The following DERA variants were observed in gnomAD, a reference collection of about 807,000 sequenced individuals.
The protein encoded by DERA is 2-deoxy-D-ribose 5-phosphate aldolase.
In DERA, 15 loss-of-function variants were observed where a neutral mutation model predicts 41.1. That is an observed-to-expected ratio of 0.37 (90% confidence interval 0.24 to 0.56). DERA has a LOEUF of 0.56. Ranked by LOEUF, DERA falls within the 20% of genes least tolerant of loss-of-function variation. The pLI, the probability that DERA is intolerant of heterozygous loss-of-function variation, is 0.81. For synonymous variants in DERA, 139 were observed against 137.4 expected (o/e 1.01, Z -0.08); for missense variants, 396 against 403.4 (o/e 0.98, Z 0.16).
intron 1 of DERA, among the ~76,000 whole-genome samples, chr12:15,955,160 C>T (rs930581096): frequency 1.3e-5 from 2 of 151,964 alleles, no homozygotes; most frequent in African/African-American, 4.8e-5. Context: ...ATTAGCCTGG[C>T]GTGGTGGCGC....
chr12:15,988,508 G>C lies in DERA; in HGVS notation c.637+6072G>C, dbSNP rs148973423. 6.6e-6 allele frequency among the ~76,000 whole-genome samples: 1 copy of C among 152,188 alleles called. No individual in the cohort carries two copies. The highest frequency in any genetic ancestry group is 6.5e-5 in the Admixed American group (1 of 15,274). On this transcript the variant is annotated intron_variant, in intron 6 of 8. Coordinates refer to ENST00000428559, the MANE Select transcript of DERA (RefSeq NM_015954.4). The surrounding 1 kb of genome is among the most constrained non-coding windows in gnomAD (Gnocchi z 6.0). ...TTGCAGGCAGGTCGTCCCTGTGAGT[G>C]TGTGAGTCTGACTGAGTCTGAGGTT... is the stretch of plus-strand genomic sequence containing the variant.
chr12:15,933,939 G>T (rs73057134), intron 1 of DERA, among the ~76,000 whole-genome samples: 2 of 152,056 alleles, frequency 1.3e-5, no homozygotes, highest in African/African-American at 2.4e-5. Context: ...GTCAGGCCAC[G>T]TAAGCTGGTT....
rs1948193408 is a variant in DERA at position 15,915,610 on chromosome 12, A to C, written c.31+4196A>C. On this transcript the variant is annotated intron_variant, in intron 1 of 8. Transcript: ENST00000428559. The surrounding 1 kb of genome is among the most constrained non-coding windows in gnomAD (Gnocchi z 4.8). ...GTGCATGGCCTAGAATGGCATCTTA[A>C]ACCTCAACAATAGGCAAAGGCTATC... is the stretch of plus-strand genomic sequence containing the variant. 6.6e-6 allele frequency among the ~76,000 whole-genome samples: 1 copy of C among 152,202 alleles called. No homozygotes were observed. Among genetic ancestry groups the C allele is most frequent in the Admixed American group, 6.5e-5 (1 of 15,284 alleles).
intron 1 of DERA, among the ~76,000 whole-genome samples, chr12:15,937,075 C>T (rs1417447018): frequency 6.6e-6 from 1 of 152,112 alleles, no homozygotes; most frequent in Non-Finnish European, 1.5e-5. Flanking sequence ...TGGGCTCAGC[C>T]TCCTGTATAG....
At position 15,959,815 on chromosome 12, in the gene DERA, T is replaced by C; in HGVS notation, c.278-14T>C. 6.6e-7 allele frequency: 1 copy of C among 1,526,342 alleles called. No homozygotes were observed. Among genetic ancestry groups the C allele is most frequent in the Non-Finnish European group, 8.9e-7 (1 of 1,127,902 alleles). 94.5% of individuals were successfully genotyped at this position (1,526,342 alleles called of 1,614,324 possible). Reference sequence around the variant, plus strand: ...CTTCATTGAAAGTTGGCTATTCCTATTTTTTCTTGATAGGCATTACTACAG... The same window carrying C: ...CTTCATTGAAAGTTGGCTATTCCTACTTTTTCTTGATAGGCATTACTACAG... On this transcript the variant is annotated splice_polypyrimidine_tract_variant and intron_variant, in intron 3 of 8. Coordinates refer to ENST00000428559, the MANE Select transcript of DERA (RefSeq NM_015954.4). This position sits in a 1 kb window ranked among gnomAD's most constrained non-coding sequence, Gnocchi z 4.5.
chr12:15,959,980 TAC>T lies in DERA; in HGVS notation c.373+58_373+59del. 1 of 1,265,224 alleles carries T rather than the reference TAC, an allele frequency of 7.9e-7. No individual in the cohort carries two copies. Among genetic ancestry groups the T allele is most frequent in the Non-Finnish European group, 1.1e-6 (1 of 893,068 alleles). 78.4% of individuals were successfully genotyped at this position (1,265,224 alleles called of 1,614,324 possible). On this transcript the variant is annotated intron_variant, in intron 4 of 8. Transcript: ENST00000428559. The surrounding 1 kb of genome is among the most constrained non-coding windows in gnomAD (Gnocchi z 4.5). Reference sequence around the variant, plus strand: ...TTTTAAACATGTTTCCAGTTCTTCATACAATGGGGTATTATATGTAGGTTTGT... The same window carrying T: ...TTTTAAACATGTTTCCAGTTCTTCATAATGGGGTATTATATGTAGGTTTGT...
chr12:16,006,664 C>G (rs11829808), intron 6 of DERA, among the ~76,000 whole-genome samples: 12,314 of 152,274 alleles, frequency 0.081, 1,504 homozygotes, highest in African/African-American at 0.26. Context: ...GGACATGTCT[C>G]TCAGCATATG....
Position 16,036,820 on chromosome 12 carries a change from A to G in DERA, c.*74A>G. 8.6e-7 allele frequency: 1 copy of G among 1,169,062 alleles called. No homozygotes were observed. The highest frequency in any genetic ancestry group is 1.2e-6 in the Non-Finnish European group (1 of 814,464). The allele number at this position is 1,169,062 out of a possible 1,614,324, so 72.4% of individuals were successfully genotyped here. Reference sequence around the variant, plus strand: ...ATTTTTCTACGTAATTGCTAAAATTATTTAATTAAAAAATTGGGCAGTAGG... The same window carrying G: ...ATTTTTCTACGTAATTGCTAAAATTGTTTAATTAAAAAATTGGGCAGTAGG... On this transcript the variant is annotated 3_prime_UTR_variant, in exon 9 of 9. Coordinates refer to ENST00000428559, the MANE Select transcript of DERA (RefSeq NM_015954.4). This position sits in a 1 kb window ranked among gnomAD's most constrained non-coding sequence, Gnocchi z 4.9.
In DERA at chr12:15,981,334, C is replaced by A. The variant is rs1173515769; in HGVS notation, c.509-974C>A. Reference sequence around the variant, plus strand: ...CTGCACTCCAGCCTGGGTGACAGAGCAAGACTCCATCTCAAAAACCAAAAA... The same window carrying A: ...CTGCACTCCAGCCTGGGTGACAGAGAAAGACTCCATCTCAAAAACCAAAAA... On this transcript the variant is annotated intron_variant, in intron 5 of 8. Coordinates refer to ENST00000428559, the MANE Select transcript of DERA (RefSeq NM_015954.4). The surrounding 1 kb of genome is among the most constrained non-coding windows in gnomAD (Gnocchi z 6.1). 6.6e-6 allele frequency among the ~76,000 whole-genome samples: 1 copy of A among 152,018 alleles called. No homozygotes were observed. The highest frequency in any genetic ancestry group is 1.9e-4 in the East Asian group (1 of 5,176).
intron 1 of DERA, among the ~76,000 whole-genome samples, chr12:15,920,519 G>A (rs1277800128): frequency 6.6e-6 from 1 of 152,156 alleles, no homozygotes; most frequent in East Asian, 1.9e-4. Flanking sequence ...AGATTCCTGA[G>A]CCCCACAATA....
At chr12:15,964,154 T>G (rs1948607328) in intron 5 of DERA, among the ~76,000 whole-genome samples, 1 of 152,154 alleles carries the variant, frequency 6.6e-6, no homozygotes, top group Non-Finnish European at 1.5e-5. Flanking sequence ...CTTCTGAAGC[T>G]CCAGCACCTT....
At chr12:15,974,767 T>A (rs1230949011) in intron 5 of DERA, among the ~76,000 whole-genome samples, 2 of 152,196 alleles carry the variant, frequency 1.3e-5, no homozygotes, top group Non-Finnish European at 2.9e-5. Flanking sequence ...TTTTCAGCTA[T>A]TACTCTGATT....
rs1948524799 is a variant in DERA at position 15,954,770 on chromosome 12, G to A, written c.32-2166G>A. Among the ~76,000 whole-genome samples, 1 of 152,156 alleles carries A rather than the reference G, an allele frequency of 6.6e-6. No homozygotes were observed. Among genetic ancestry groups the A allele is most frequent in the South Asian group, 2.1e-4 (1 of 4,832 alleles). On this transcript the variant is annotated intron_variant, in intron 1 of 8. Transcript: ENST00000428559. This position sits in a 1 kb window ranked among gnomAD's most constrained non-coding sequence, Gnocchi z 4.0. ...CAGTGGCGACAGTAGTGGTAGTGGT[G>A]CGTTGGGAGTAGAGAATGGGAAGGA...
At chr12:15,919,039 T>C (rs774018114) in intron 1 of DERA, among the ~76,000 whole-genome samples, 4 of 152,214 alleles carry the variant, frequency 2.6e-5, no homozygotes. Context: ...AATAATTATG[T>C]ACATTTTAGA....
chr12:15,939,701 C>A (rs1437685937), intron 1 of DERA, among the ~76,000 whole-genome samples: 4 of 150,920 alleles, frequency 2.7e-5, no homozygotes, highest in Non-Finnish European at 5.9e-5. Context: ...GAAGATAGTT[C>A]AAGACCAGTG....
In DERA at chr12:15,998,560, G is replaced by T. The variant is rs574059652; in HGVS notation, c.637+16124G>T. ...TCGAACTCCTGACCTCAGGTGATCC[G>T]CCTGCCTCAGCCTCCCAATGTGCTG... On this transcript the variant is annotated intron_variant, in intron 6 of 8. Coordinates refer to ENST00000428559, the MANE Select transcript of DERA (RefSeq NM_015954.4). The surrounding 1 kb of genome is among the most constrained non-coding windows in gnomAD (Gnocchi z 4.8). Among the ~76,000 whole-genome samples the T allele has an allele frequency of 1.3e-5, 2 of 151,894 alleles. No homozygotes were observed. Among genetic ancestry groups the T allele is most frequent in the Admixed American group, 1.3e-4 (2 of 15,240 alleles).
At position 15,996,503 on chromosome 12, in the gene DERA, C is replaced by G. The variant is rs1330075150; in HGVS notation, c.637+14067C>G. On this transcript the variant is annotated intron_variant, in intron 6 of 8. Coordinates refer to ENST00000428559, the MANE Select transcript of DERA (RefSeq NM_015954.4). This position sits in a 1 kb window ranked among gnomAD's most constrained non-coding sequence, Gnocchi z 4.7. ...TCTGCCTCTGTCACTAGATGGCTGT[C>G]TTCCCTCTGTGTGTCTCTGTCTGTG... 6.6e-6 allele frequency among the ~76,000 whole-genome samples: 1 copy of G among 152,088 alleles called. No homozygotes were observed. The highest frequency in any genetic ancestry group is 1.5e-5 in the Non-Finnish European group (1 of 68,010).
In DERA at chr12:15,940,147, C is replaced by T. The variant is rs188960453; in HGVS notation, c.32-16789C>T. On this transcript the variant is annotated intron_variant, in intron 1 of 8. Transcript: ENST00000428559. This position sits in a 1 kb window ranked among gnomAD's most constrained non-coding sequence, Gnocchi z 5.1. ...CTTTAACTGAATTTATAGTGGTAGT[C>T]ACAACAATGTCAGTTATTTTATCTT... Among the ~76,000 whole-genome samples, 567 of 152,226 alleles carry T rather than the reference C, an allele frequency of 3.7e-3. 1 individual carries two copies. The highest frequency in any genetic ancestry group is 6.1e-3 in the Non-Finnish European group (418 of 68,002).
intron 1 of DERA, among the ~76,000 whole-genome samples, chr12:15,919,259 A>T (rs932208699): frequency 6.8e-6 from 1 of 146,876 alleles, no homozygotes; most frequent in Admixed American, 6.8e-5. Context: ...GTTAAAAAAC[A>T]TTTTTTTTTT....
Sources: allele counts gnomAD v4.1 joint callset (sites outside exome capture counted in the v4.1 genomes callset), GRCh38; gene constraint gnomAD v4.1.1; non-coding constraint Gnocchi (gnomAD v3.1); transcripts MANE v1.5; gene names NCBI Gene and HGNC (gene_info 2026-07-23, HGNC 2026-07-21).